ROCK1: variants seen among roughly 807,000 people sequenced by gnomAD.
The protein encoded by ROCK1 is rho-associated protein kinase 1.
A neutral mutation model predicts 196.8 loss-of-function variants in ROCK1; 36 were observed. That is an observed-to-expected ratio of 0.18 (90% CI 0.14 to 0.24). ROCK1 has a LOEUF of 0.24. Among genes scored for constraint, ROCK1 ranks in the 10% least tolerant of loss-of-function variants. ROCK1 has a pLI of 1.00. For synonymous variants in ROCK1, 443 were observed against 515.9 expected, an observed-to-expected ratio of 0.86 and a Z score of 1.91; for missense variants, 920 against 1,562.0, an observed-to-expected ratio of 0.59 and a Z score of 6.93.
chr18:20,959,205 A>C (rs1165927209), intron 29 of ROCK1, among the ~76,000 whole-genome samples: 1 of 77,534 alleles, frequency 1.3e-5, no homozygotes, highest in African/African-American at 5.1e-5. Flanking sequence ...TATATAATAC[A>C]TATAATATAT....
rs1309574342 is a variant in ROCK1 at position 21,033,947 on chromosome 18, T to C, written c.1052-5012A>G. 4.0e-5 allele frequency among the ~76,000 whole-genome samples: 5 copies of C among 125,880 alleles called. No individual in the cohort carries two copies. The South Asian group carries it at 1.2e-3, about 31-fold the overall frequency. The allele number at this position is 125,880 out of a possible 152,430, so 82.6% of individuals were successfully genotyped here. A position where few individuals can be genotyped will look rare whatever the true frequency, so the allele number is the denominator to read the frequency against. On this transcript the variant is annotated intron_variant, in intron 9 of 32. Transcript: ENST00000399799. The stretch of plus-strand genomic sequence containing the variant: ...TACTCGGGAGGCTGAGGCAGGAGAA[T>C]GGCATGAACCCTGGAGGCGGAGCTT...
At chr18:21,031,614 A>AG (rs2036007914) in intron 9 of ROCK1, among the ~76,000 whole-genome samples, 1 of 150,524 alleles carries the variant, frequency 6.6e-6, no homozygotes, top group African/African-American at 2.4e-5. Context: ...CAAAAAAAAA[A>AG]AAAAAAAAAA....
At position 21,045,001 on chromosome 18, in the gene ROCK1, C is replaced by T. The variant is rs534195845; in HGVS notation, c.590+291G>A. 15 of 205,410 alleles carry T rather than the reference C, an allele frequency of 7.3e-5. No individual in the cohort carries two copies. The Admixed American group carries it at 7.7e-4, about 11-fold the overall frequency. The allele number at this position is 205,410 out of a possible 1,614,324, so 12.7% of individuals were successfully genotyped here. On this transcript the variant is annotated intron_variant, in intron 5 of 32. Coordinates refer to ENST00000399799, the MANE Select transcript of ROCK1 (RefSeq NM_005406.3). ...TTAGCCTCCCAAGGAGCTGGGACCA[C>T]AGGTGCATGCCACCACACCTGTGTT... is the stretch of plus-strand genomic sequence containing the variant.
At chr18:20,984,556 T>C (rs1172861349) in intron 19 of ROCK1, 21 bp from the exon 20 acceptor site, 1 of 1,562,010 alleles carries the variant, frequency 6.4e-7, no homozygotes, top group African/African-American at 1.4e-5. Flanking sequence ...GAAAAATAAT[T>C]GGGATCTTAA....
intron 10 of ROCK1, among the ~76,000 whole-genome samples, chr18:21,026,540 T>G (rs2035958567): frequency 6.6e-6 from 1 of 151,846 alleles, no homozygotes; most frequent in Non-Finnish European, 1.5e-5. Context: ...GTTATAATAT[T>G]ATACTCACAG....
At chr18:21,044,421 G>A (rs185918258) in intron 5 of ROCK1, among the ~76,000 whole-genome samples, 307 of 152,198 alleles carry the variant, frequency 2.0e-3, no homozygotes, top group Middle Eastern at 0.014. Flanking sequence ...TTCTTTCAGA[G>A]GGAAAATCAA....
At chr18:21,038,816 AGAT>A (rs1283081035) in intron 9 of ROCK1, among the ~76,000 whole-genome samples, 1 of 152,210 alleles carries the variant, frequency 6.6e-6, no homozygotes, top group Non-Finnish European at 1.5e-5. Flanking sequence ...AAATCCACGA[AGAT>A]GATGAGAACC....
chr18:20,984,140 G>C (rs759458910), intron 20 of ROCK1, among the ~76,000 whole-genome samples: 2 of 152,118 alleles, frequency 1.3e-5, no homozygotes, highest in Non-Finnish European at 2.9e-5. Flanking sequence ...GACTTTTGTG[G>C]ACATGAAAAT....
intron 18 of ROCK1, among the ~76,000 whole-genome samples, chr18:20,989,544 G>T (rs2143403472): frequency 6.6e-6 from 1 of 152,252 alleles, no homozygotes; most frequent in East Asian, 1.9e-4. Context: ...ATTGAAGTTT[G>T]ACTATTTTAT....
chr18:21,025,979 T>A (rs2035952351), intron 10 of ROCK1, among the ~76,000 whole-genome samples: 1 of 152,176 alleles, frequency 6.6e-6, no homozygotes, highest in Admixed American at 6.5e-5. Context: ...ACAAATAGTA[T>A]AATAAATGTT....
chr18:21,009,320 G>A (rs1436361458), intron 13 of ROCK1, among the ~76,000 whole-genome samples: 1 of 140,980 alleles, frequency 7.1e-6, no homozygotes, highest in Non-Finnish European at 1.6e-5. Flanking sequence ...GCCAAGACAG[G>A]TTTTTTTTTT....
chr18:21,082,851 A>T (rs910787483), intron 1 of ROCK1, among the ~76,000 whole-genome samples: 2 of 152,196 alleles, frequency 1.3e-5, no homozygotes, highest in Non-Finnish European at 2.9e-5. Flanking sequence ...AAGAAAAAGA[A>T]ATAAAAGGCA....
chr18:21,006,078 A>C (rs1037652193), intron 16 of ROCK1, among the ~76,000 whole-genome samples: 3 of 152,252 alleles, frequency 2.0e-5, no homozygotes, highest in African/African-American at 7.2e-5. Flanking sequence ...TGGATGAACA[A>C]AATGTGGTAT....
intron 22 of ROCK1, among the ~76,000 whole-genome samples, chr18:20,979,495 G>A (rs551397320): frequency 3.6e-4 from 54 of 152,026 alleles, no homozygotes; most frequent in South Asian, 2.1e-4. Context: ...GGTGGCGCAC[G>A]CCTGTAATCC....
intron 9 of ROCK1, among the ~76,000 whole-genome samples, chr18:21,029,994 C>A (rs1176229068): frequency 6.6e-6 from 1 of 152,018 alleles, no homozygotes; most frequent in Non-Finnish European, 1.5e-5. Flanking sequence ...AATACCTATT[C>A]TTGTGCCATC....
At chr18:21,046,252 C>T (rs530301946) in intron 4 of ROCK1, among the ~76,000 whole-genome samples, 86 of 152,230 alleles carry the variant, frequency 5.6e-4, no homozygotes, top group African/African-American at 2.0e-3. Context: ...ATTTGCTTAA[C>T]CTACCCGAGT....
At position 20,949,360 on chromosome 18, in the gene ROCK1, T is replaced by C. The variant is rs1040164062; in HGVS notation, c.*2024A>G. The C allele has an allele frequency of 3.9e-5, 6 of 152,256 alleles. No individual in the cohort carries two copies. The highest frequency in any genetic ancestry group is 1.4e-4 in the African/African-American group (6 of 41,448). 9.4% of individuals were successfully genotyped at this position (152,256 alleles called of 1,614,324 possible). On this transcript the variant is annotated 3_prime_UTR_variant, in exon 33 of 33. Transcript: ENST00000399799. ...GACCCCTGGGTCAGAGTCAGATGAC[T>C]TCATTCACAGCACAGCAAAAGCAGC...
chr18:21,045,443 G>A lies in ROCK1; in HGVS notation c.439C>T (p.Arg147Cys), dbSNP rs765332481. Residue 147 changes from arginine to cysteine, a missense_variant, in exon 5 of 33, where the codon CGT (arginine) becomes TGT (cysteine). Physicochemically the swap from Arg to Cys is radical, Grantham distance 180 (BLOSUM62 -3). Coordinates refer to ENST00000399799, the MANE Select transcript of ROCK1 (RefSeq NM_005406.3). ...VQLFYAFQDD[R>C]YLYMVMEYMP... Reference sequence around the variant, plus strand: ...TATTCCATCACCATGTAGAGATAACGATCATCTTGGAATGCATAAAAAAGC... The same window carrying A: ...TATTCCATCACCATGTAGAGATAACAATCATCTTGGAATGCATAAAAAAGC... 5 of 1,608,648 alleles carry A rather than the reference G, an allele frequency of 3.1e-6. No individual in the cohort carries two copies. Among genetic ancestry groups the A allele is most frequent in the South Asian group, 2.2e-5 (2 of 90,028 alleles).
At chr18:21,088,817 G>A (rs1568406839) in intron 1 of ROCK1, among the ~76,000 whole-genome samples, 1 of 152,048 alleles carries the variant, frequency 6.6e-6, no homozygotes, top group Non-Finnish European at 1.5e-5. Context: ...CCCTTCTGGA[G>A]GATGCAGCTT....
Sources: gnomAD v4.1 joint callset for allele counts (sites outside exome capture counted in the v4.1 genomes callset) on GRCh38, gnomAD v4.1.1 for gene constraint, MANE v1.5 for transcripts, NCBI Gene and HGNC (gene_info 2026-07-23, HGNC 2026-07-21) for gene names.